Variants in ESRRG observed in about 807,000 individuals in gnomAD.
ESRRG encodes estrogen related receptor gamma.
A neutral mutation model predicts 44.0 loss-of-function variants in ESRRG; 13 were observed. The ratio of observed to expected loss-of-function variants is 0.30; its 90% confidence interval spans 0.19 to 0.47. The LOEUF is 0.47. ESRRG is among the 20% of genes least tolerant of loss of function. The pLI, the probability that ESRRG is intolerant of heterozygous loss-of-function variation, is 1.00. For synonymous variants in ESRRG, 215 were observed against 214.6 expected (o/e 1.00, Z -0.02); for missense variants, 395 against 580.6 (o/e 0.68, Z 3.29).
At chr1:216,517,362 A>T (rs778460520) in intron 6 of ESRRG, among the ~76,000 whole-genome samples, 2 of 152,186 alleles carry the variant, frequency 1.3e-5, no homozygotes, top group Non-Finnish European at 2.9e-5. Flanking sequence ...CAACAGAGAC[A>T]GAAATGCTGC....
At chr1:216,840,526 C>CT (rs2095635911) in intron 2 of ESRRG, among the ~76,000 whole-genome samples, 1 of 202 alleles carries the variant, frequency 5.0e-3, no homozygotes, top group Non-Finnish European at 0.01. Context: ...CAAGAACTTT[C>CT]CTTTACATTC....
At chr1:216,903,488 A>G (rs2059333226) in intron 2 of ESRRG, among the ~76,000 whole-genome samples, 1 of 151,732 alleles carries the variant, frequency 6.6e-6, no homozygotes, top group Non-Finnish European at 1.5e-5. Flanking sequence ...GAATGGAAAG[A>G]ACGAGATTAC....
At chr1:216,522,074 C>CA (rs891524792) in intron 5 of ESRRG, among the ~76,000 whole-genome samples, 4 of 139,450 alleles carry the variant, frequency 2.9e-5, no homozygotes, top group African/African-American at 9.9e-5. Flanking sequence ...TTTAATTGAA[C>CA]AAAAAACAAT....
At chr1:216,675,650 C>T (rs1005284983) in intron 2 of ESRRG, among the ~76,000 whole-genome samples, 1 of 152,124 alleles carries the variant, frequency 6.6e-6, no homozygotes, top group Non-Finnish European at 1.5e-5. Flanking sequence ...CAGGATTACC[C>T]AGAGGGTTGG....
At chr1:216,956,156 A>G (rs564941803) in intron 1 of ESRRG, among the ~76,000 whole-genome samples, 1 of 151,998 alleles carries the variant, frequency 6.6e-6, no homozygotes, top group Non-Finnish European at 1.5e-5. Flanking sequence ...GTTTTTTTCT[A>G]GTAGTTTATA....
chr1:216,877,751 G>A (rs1337907095), intron 2 of ESRRG, among the ~76,000 whole-genome samples: 1 of 151,998 alleles, frequency 6.6e-6, no homozygotes, highest in Non-Finnish European at 1.5e-5. Context: ...TATGTAAATG[G>A]TATTGTGTTG....
Position 217,070,157 on chromosome 1 carries a change from A to C in ESRRG, c.-106+19350T>G, listed in dbSNP as rs185845702. Reference sequence around the variant, plus strand: ...TGACTCTCATTTTGGCTGTAAGTTGAGGTGATCTTAGGGAAACTACATAAC... The same window carrying C: ...TGACTCTCATTTTGGCTGTAAGTTGCGGTGATCTTAGGGAAACTACATAAC... On this transcript the variant is annotated intron_variant, in intron 1 of 7. Coordinates refer to the ESRRG transcript ENST00000359162. Among the ~76,000 whole-genome samples the C allele has an allele frequency of 5.1e-3, 769 of 152,274 alleles. 4 individuals are homozygous for C. Among genetic ancestry groups the C allele is most frequent in the Non-Finnish European group, 8.6e-3 (587 of 68,014 alleles).
rs1035896632 is a variant in ESRRG, at chr1:216,926,414, A to G, written c.-14+13168T>C. ...CCAGGAAAACTGATAACACCTATGA[A>G]AAAAAAAAAAAAAAAATCACTCCTG... On this transcript the variant is annotated intron_variant, in intron 2 of 7. Coordinates refer to the ESRRG transcript ENST00000359162. Among the ~76,000 whole-genome samples the G allele has an allele frequency of 8.7e-5, 5 of 57,638 alleles. No homozygotes were observed. In the South Asian group the frequency reaches 2.0e-3, roughly 23 times the overall value. 37.8% of individuals were successfully genotyped at this position (57,638 alleles called of 152,430 possible).
intron 1 of ESRRG, among the ~76,000 whole-genome samples, chr1:217,069,778 C>T (rs1407358401): frequency 6.6e-6 from 1 of 152,036 alleles, no homozygotes; most frequent in Admixed American, 6.6e-5. Flanking sequence ...AGGGAAGACA[C>T]CATAGTGTCT....
At chr1:216,762,255 C>T (rs1361627705) in intron 2 of ESRRG, among the ~76,000 whole-genome samples, 5 of 151,878 alleles carry the variant, frequency 3.3e-5, no homozygotes, top group African/African-American at 4.8e-5. Context: ...CACATGCACA[C>T]GTATGTTTAT....
intron 2 of ESRRG, among the ~76,000 whole-genome samples, chr1:216,771,366 A>G (rs1473799431): frequency 6.6e-6 from 1 of 152,164 alleles, no homozygotes; most frequent in East Asian, 1.9e-4. Flanking sequence ...CACATTTCTA[A>G]TTTAATGCCT....
chr1:216,679,199 C>G (rs1348758056), intron 1 of ESRRG, among the ~76,000 whole-genome samples: 1 of 152,136 alleles, frequency 6.6e-6, no homozygotes, highest in African/African-American at 2.4e-5. Context: ...CAAGAACTAG[C>G]GAAAGAAAAA....
chr1:217,057,614 C>A (rs1236697192), intron 1 of ESRRG, among the ~76,000 whole-genome samples: 1 of 151,574 alleles, frequency 6.6e-6, no homozygotes, highest in African/African-American at 2.4e-5. Context: ...GTCAACTAAA[C>A]TAGAAAAAAA....
chr1:217,032,897 T>G (rs2082282344), intron 1 of ESRRG, among the ~76,000 whole-genome samples: 1 of 152,178 alleles, frequency 6.6e-6, no homozygotes. Flanking sequence ...CATGCACAAT[T>G]TGGCTGCTCA....
intron 1 of ESRRG, among the ~76,000 whole-genome samples, chr1:217,035,182 T>C (rs1263364502): frequency 6.6e-6 from 1 of 151,762 alleles, no homozygotes; most frequent in African/African-American, 2.4e-5. Context: ...ATTAAACAGA[T>C]GATGTATAAA....
chr1:217,016,704 C>T (rs748891472), intron 1 of ESRRG, among the ~76,000 whole-genome samples: 23 of 152,134 alleles, frequency 1.5e-4, no homozygotes, highest in Non-Finnish European at 2.8e-4. Context: ...TTCCTTATAT[C>T]TCCTCTATTT....
chr1:216,776,005 C>T lies in ESRRG; in HGVS notation c.-13-98514G>A, dbSNP rs532438109. Among the ~76,000 whole-genome samples the T allele has an allele frequency of 2.0e-5, 3 of 152,146 alleles. No individual in the cohort carries two copies. In the East Asian group the frequency reaches 5.8e-4, roughly 29 times the overall value. ...AAGTGATTTCCAGTTTATAATCTCA[C>T]CTTGATTCTCTCCAACAAAACCAGA... On this transcript the variant is annotated intron_variant, in intron 2 of 7. Coordinates refer to the ESRRG transcript ENST00000359162.
intron 2 of ESRRG, among the ~76,000 whole-genome samples, chr1:216,812,528 C>T (rs538130465): frequency 2.0e-5 from 3 of 152,260 alleles, no homozygotes; most frequent in African/African-American, 7.2e-5. Context: ...AGACATAGCA[C>T]TCATAGATGC....
At position 216,677,435 on chromosome 1, in the gene ESRRG, A is replaced by G; in HGVS notation, c.113T>C (p.Phe38Ser). 1 of 1,614,026 alleles carries G rather than the reference A, an allele frequency of 6.2e-7. No homozygotes were observed. Among genetic ancestry groups the G allele is most frequent in the Non-Finnish European group, 8.5e-7 (1 of 1,179,942 alleles). ...DRHIDSSCSSFIKTEPSSPAS... is the reference protein window; with the variant it reads ...DRHIDSSCSSSIKTEPSSPAS... ...TGGGCTGGAAGGTTCCGTCTTGATG[A>G]AGGACGAACAGCTGGAATCAATGTG... Residue 38 changes from phenylalanine to serine, a missense_variant, in exon 2 of 7, where the codon TTC (phenylalanine) becomes TCC (serine). By Grantham distance (155) the Phe-to-Ser change is radical (BLOSUM62 -2). Transcript: ENST00000408911.
Sources: allele counts gnomAD v4.1 joint callset (sites outside exome capture counted in the v4.1 genomes callset), GRCh38; gene constraint gnomAD v4.1.1; transcripts MANE v1.5; gene names NCBI Gene and HGNC (gene_info 2026-07-23, HGNC 2026-07-21).